The following ALDH2 variants were observed in gnomAD, a reference collection of about 807,000 sequenced individuals.
ALDH2 encodes the protein aldehyde dehydrogenase, mitochondrial.
ALDH2 carries 44 observed loss-of-function variants against 59.6 expected under a neutral mutation model. The ratio of observed to expected loss-of-function variants is 0.74; its 90% CI spans 0.58 to 0.95. The LOEUF is 0.95. Among genes scored for constraint, ALDH2 ranks in the 40% least tolerant of loss-of-function variants. The pLI, the probability that ALDH2 is intolerant of heterozygous loss-of-function variation, is 0.00. For missense variants in ALDH2, 570 were observed against 696.3 expected (o/e 0.82, Z 2.04); for synonymous variants, 291 against 284.0 (o/e 1.02, Z -0.25).
At chr12:111,809,476 T>A in intron 12 of ALDH2, 67 bp from the exon 13 acceptor site, 1 of 1,571,322 alleles carries the variant, frequency 6.4e-7, no homozygotes, top group Non-Finnish European at 8.8e-7. Flanking sequence ...AGTCAGCTCC[T>A]AGCTGAGGGG....
chr12:111,807,301 AG>A (rs1200178640), intron 12 of ALDH2, among the ~76,000 whole-genome samples: 2 of 151,770 alleles, frequency 1.3e-5, no homozygotes, highest in African/African-American at 4.8e-5. Context: ...AAAAAACAGT[AG>A]AATGAGCCTC....
chr12:111,770,844 G>A (rs978416418), intron 1 of ALDH2, among the ~76,000 whole-genome samples: 2 of 151,978 alleles, frequency 1.3e-5, no homozygotes, highest in African/African-American at 2.4e-5. Flanking sequence ...ATGAGGTTTC[G>A]CCATGTTGGC....
At chr12:111,790,001 C>A in intron 5 of ALDH2, 67 bp downstream of exon 5, 1 of 1,497,244 alleles carries the variant, frequency 6.7e-7, no homozygotes, top group Non-Finnish European at 9.3e-7. Context: ...AGACTCATTG[C>A]AGAGGTTCTG....
At chr12:111,802,863 G>C (rs573937785) in intron 11 of ALDH2, among the ~76,000 whole-genome samples, 41 of 141,222 alleles carry the variant, frequency 2.9e-4, no homozygotes, top group South Asian at 1.1e-3. Flanking sequence ...CAGGGCGACG[G>C]AGCGAGACTC....
intron 12 of ALDH2, among the ~76,000 whole-genome samples, chr12:111,806,774 C>T (rs1411903420): frequency 1.3e-5 from 2 of 149,692 alleles, no homozygotes; most frequent in Admixed American, 1.3e-4. Flanking sequence ...GAGTTCGAGA[C>T]CAGCCTGGTC....
Position 111,783,092 on chromosome 12 carries a change from G to C in ALDH2, c.220-66G>C, listed in dbSNP as rs573516739. ...TGACCTTCTGGATGTGTTTGTATTCGGACCTGGTTATTACTGAGAAGACCT... is the reference window on the plus strand; with the variant it reads ...TGACCTTCTGGATGTGTTTGTATTCCGACCTGGTTATTACTGAGAAGACCT... On this transcript the variant is annotated intron_variant, in intron 2 of 12. Transcript: ENST00000261733. 747 of 1,556,422 alleles carry C rather than the reference G, an allele frequency of 4.8e-4. 6 individuals carry two copies. The African/African-American group carries it at 9.0e-3, about 19-fold the overall frequency.
rs201835306 is a variant in ALDH2, at chr12:111,792,067, C to T, written c.802C>T (p.Arg268Cys). Residue 268 changes from arginine (R) to cysteine (C), a missense_variant, in exon 8 of 13, where the codon CGC becomes TGC. Coordinates refer to ENST00000261733, the MANE Select transcript of ALDH2 (RefSeq NM_000690.4). ...TGTCTTTCTGTCCCCACAGATTGGC[C>T]GCGTAATCCAGGTTGCTGCTGGGAG... is the stretch of plus-strand genomic sequence containing the variant. ...VAFTGSTEIG[R>C]VIQVAAGSSN... 55 of 1,609,674 alleles carry T rather than the reference C, an allele frequency of 3.4e-5. No individual in the cohort carries two copies. In the African/African-American group the frequency reaches 6.4e-4, roughly 19 times the overall value.
In ALDH2 at chr12:111,803,882, G is replaced by T; in HGVS notation, c.1430G>T (p.Gly477Val). 6.2e-7 allele frequency: 1 copy of T among 1,613,012 alleles called. No homozygotes were observed. The highest frequency in any genetic ancestry group is 8.5e-7 in the Non-Finnish European group (1 of 1,179,496). The change falls in exon 12 of 13, where the codon GGA (glycine) becomes GTA (valine). Residue 477 changes from glycine to valine, a missense_variant. Physicochemically the swap from Gly to Val is moderately radical, Grantham distance 109. Coordinates refer to ENST00000261733, the MANE Select transcript of ALDH2 (RefSeq NM_000690.4). ...TVWVNCYDVF[G>V]AQSPFGGYKM... ...AGGGTCAACTGCTATGATGTGTTTG[G>T]AGCCCAGTCACCCTTTGGTGGCTAC... is the stretch of plus-strand genomic sequence containing the variant.
intron 9 of ALDH2, 130 bp downstream of exon 9, chr12:111,792,912 G>A: frequency 9.7e-7 from 1 of 1,029,542 alleles, no homozygotes; most frequent in South Asian, 1.8e-5. Context: ...TGTGCCTTTG[G>A]GAAGCTATGT....
intron 10 of ALDH2, among the ~76,000 whole-genome samples, chr12:111,799,354 A>G (rs1168169120): frequency 6.6e-6 from 1 of 151,248 alleles, no homozygotes; most frequent in African/African-American, 2.4e-5. Flanking sequence ...TTCAGTAGAG[A>G]TGGGGTTTCA....
chr12:111,801,434 C>T (rs2068450684), intron 11 of ALDH2, among the ~76,000 whole-genome samples: 1 of 152,182 alleles, frequency 6.6e-6, no homozygotes, highest in African/African-American at 2.4e-5. Flanking sequence ...TGCGGTGGCT[C>T]ATGCCTGTAA....
intron 1 of ALDH2, among the ~76,000 whole-genome samples, chr12:111,769,142 G>A (rs988996540): frequency 5.3e-5 from 8 of 152,194 alleles, no homozygotes. Flanking sequence ...TTACTCTGTG[G>A]GTGTAGGCTG....
chr12:111,792,523 A>G, intron 8 of ALDH2, 75 bp from the exon 9 acceptor site: 5 of 1,498,026 alleles, frequency 3.3e-6, no homozygotes, highest in Non-Finnish European at 4.5e-6. Flanking sequence ...AACAGGCTCC[A>G]TTGGGCAGGC....
intron 3 of ALDH2, among the ~76,000 whole-genome samples, chr12:111,784,591 C>T (rs566836634): frequency 6.6e-6 from 1 of 152,268 alleles, no homozygotes; most frequent in Admixed American, 6.5e-5. Flanking sequence ...TGGCTCCCTG[C>T]TTTCTATTTT....
intron 3 of ALDH2, among the ~76,000 whole-genome samples, 181 bp downstream of exon 3, chr12:111,783,479 C>G (rs558636382): frequency 7.2e-5 from 11 of 152,230 alleles, no homozygotes; most frequent in African/African-American, 2.2e-4. Flanking sequence ...ACCAGAGGAG[C>G]CTTTCAGTGT....
intron 11 of ALDH2, among the ~76,000 whole-genome samples, chr12:111,801,453 C>G (rs1386710749): frequency 6.6e-6 from 1 of 152,130 alleles, no homozygotes; most frequent in Non-Finnish European, 1.5e-5. Context: ...AATCCCAGCA[C>G]TTTGGGAAGC....
chr12:111,800,431 T>C (rs1358365113), intron 11 of ALDH2, among the ~76,000 whole-genome samples: 1 of 152,120 alleles, frequency 6.6e-6, no homozygotes, highest in Non-Finnish European at 1.5e-5. Flanking sequence ...TTATTTTTAG[T>C]TTTATTTTTT....
chr12:111,791,650 G>C (rs1260313221), intron 7 of ALDH2, among the ~76,000 whole-genome samples: 1 of 152,214 alleles, frequency 6.6e-6, no homozygotes, highest in Non-Finnish European at 1.5e-5. Flanking sequence ...AGGAGGCCAG[G>C]CCTGGCCAGA....
chr12:111,809,621 A>T lies in ALDH2; in HGVS notation c.*46A>T. 6.2e-7 allele frequency: 1 copy of T among 1,608,138 alleles called. No homozygotes were observed. Among genetic ancestry groups the T allele is most frequent in the Non-Finnish European group, 8.5e-7 (1 of 1,175,072 alleles). ...CTCAGCCATTGATGGAAAGTTCAGC[A>T]AGATCAGCAACAAAACCAAGAAAAA... is the stretch of plus-strand genomic sequence containing the variant. On this transcript the variant is annotated 3_prime_UTR_variant, in exon 13 of 13. Transcript: ENST00000261733.
Sources: allele counts gnomAD v4.1 joint callset (sites outside exome capture counted in the v4.1 genomes callset), GRCh38; gene constraint gnomAD v4.1.1; transcripts MANE v1.5; gene names NCBI Gene and HGNC (gene_info 2026-07-23, HGNC 2026-07-21).